ZNF469: variants seen among roughly 807,000 people sequenced by gnomAD.
ZNF469 encodes the protein zinc finger protein 469.
A neutral mutation model predicts 1.0 loss-of-function variants in ZNF469; 1 was observed. The observed-to-expected ratio is 1.00, with a 90% CI of 0.35 to 4.73. ZNF469 has a LOEUF of 4.73. Among genes scored for constraint, ZNF469 ranks in the 30% most tolerant of loss-of-function variants. The pLI is 0.16. For missense variants in ZNF469, 6,100 were observed against 5,356.3 expected (o/e 1.14, Z -4.33); for synonymous variants, 2,703 against 2,363.4 (o/e 1.14, Z -4.17).
chr16:88,129,689 C>G, the ZNF469 span, among the ~76,000 whole-genome samples: 1 of 152,108 alleles, frequency 6.6e-6, no homozygotes, highest in Non-Finnish European at 1.5e-5. Flanking sequence ...CCCATCCCTA[C>G]TAAGAATACA....
At chr16:88,340,197 C>T in the ZNF469 span, among the ~76,000 whole-genome samples, 43 of 152,292 alleles carry the variant, frequency 2.8e-4, no homozygotes, top group South Asian at 8.3e-4. Flanking sequence ...CAGGCCGGCA[C>T]GGCAGCTTAA....
the ZNF469 span, among the ~76,000 whole-genome samples, chr16:88,103,391 G>T: frequency 6.6e-6 from 1 of 152,230 alleles, no homozygotes; most frequent in African/African-American, 2.4e-5. Flanking sequence ...CACCTGCTGG[G>T]GCTGCCCAGT....
In ZNF469 at chr16:88,427,442, C is replaced by T. The variant is rs766689830; in HGVS notation, c.-29C>T. On this transcript the variant is annotated 5_prime_UTR_variant, in exon 3 of 3. Transcript: ENST00000565624. ...CCCCAGGGCCCCCCTCGGACAGCTG[C>T]GTCGTCCTAGCGCCAGGACGGAGGG... 6 of 1,461,124 alleles carry T rather than the reference C, an allele frequency of 4.1e-6. No homozygotes were observed. The highest frequency in any genetic ancestry group is 2.3e-4 in the Middle Eastern group (1 of 4,256). 90.5% of individuals were successfully genotyped at this position (1,461,124 alleles called of 1,614,324 possible).
the ZNF469 span, among the ~76,000 whole-genome samples, chr16:88,279,722 G>A: frequency 1.4e-4 from 17 of 122,012 alleles, no homozygotes; most frequent in African/African-American, 3.5e-4. Flanking sequence ...ATCAGTGCAC[G>A]GTTAGTGCTG....
chr16:88,133,107 G>GCACT, the ZNF469 span, among the ~76,000 whole-genome samples: 1 of 152,196 alleles, frequency 6.6e-6, no homozygotes, highest in Non-Finnish European at 1.5e-5. Flanking sequence ...TTGCGGGAGA[G>GCACT]CACTGCCTGC....
At chr16:88,260,220 C>G in the ZNF469 span, among the ~76,000 whole-genome samples, 1 of 152,032 alleles carries the variant, frequency 6.6e-6, no homozygotes, top group Non-Finnish European at 1.5e-5. The surrounding 1 kb of genome is among the most constrained non-coding windows in gnomAD (Gnocchi z 4.1). Flanking sequence ...CACTCCTGAC[C>G]TCAAATGATC....
chr16:88,415,944 G>T (rs1050933718), intron 1 of ZNF469, among the ~76,000 whole-genome samples: 2 of 152,224 alleles, frequency 1.3e-5, no homozygotes, highest in Admixed American at 1.3e-4. Flanking sequence ...GCTTCCCAGC[G>T]CTGCAGAGCC....
At chr16:88,396,929 C>CTCCT (rs747449600) in intron 1 of ZNF469, among the ~76,000 whole-genome samples, 1 of 133,590 alleles carries the variant, frequency 7.5e-6, no homozygotes, top group Admixed American at 7.1e-5. Flanking sequence ...GGAGGAGACC[C>CTCCT]GTCTGAAGGG....
At chr16:88,255,058 T>A in the ZNF469 span, among the ~76,000 whole-genome samples, 1 of 152,244 alleles carries the variant, frequency 6.6e-6, no homozygotes, top group African/African-American at 2.4e-5. Flanking sequence ...AACTATGTCA[T>A]ACATAGACAT....
intron 1 of ZNF469, among the ~76,000 whole-genome samples, chr16:88,391,317 C>T (rs1904485504): frequency 6.6e-6 from 1 of 152,282 alleles, no homozygotes; most frequent in South Asian, 2.1e-4. Context: ...GCTGCCACCT[C>T]TTGCTTGGCA....
chr16:88,325,762 G>A, the ZNF469 span, among the ~76,000 whole-genome samples: 2 of 152,200 alleles, frequency 1.3e-5, no homozygotes, highest in Admixed American at 6.5e-5. Flanking sequence ...CAAATGCTCC[G>A]TGTGACGGCT....
the ZNF469 span, among the ~76,000 whole-genome samples, chr16:88,247,900 T>C: frequency 6.6e-6 from 1 of 152,256 alleles, no homozygotes; most frequent in Non-Finnish European, 1.5e-5. Flanking sequence ...GATTTGAGTC[T>C]TCTCAGCTGA....
At chr16:88,209,007 G>A in the ZNF469 span, among the ~76,000 whole-genome samples, 1 of 152,198 alleles carries the variant, frequency 6.6e-6, no homozygotes, top group East Asian at 1.9e-4. Context: ...CCACCCCACT[G>A]TGGAAACCAC....
the ZNF469 span, among the ~76,000 whole-genome samples, chr16:88,311,874 T>C: frequency 5.3e-5 from 8 of 152,326 alleles, no homozygotes; most frequent in East Asian, 7.7e-4. Flanking sequence ...AAATGATTGA[T>C]TGTGGAACAC....
chr16:88,283,472 A>G, the ZNF469 span, among the ~76,000 whole-genome samples: 1 of 152,248 alleles, frequency 6.6e-6, no homozygotes, highest in Admixed American at 6.5e-5. Flanking sequence ...TAGCAGGAAG[A>G]GTAAAACGTC....
At chr16:88,102,230 T>TGCAAG in the ZNF469 span, among the ~76,000 whole-genome samples, 1 of 152,160 alleles carries the variant, frequency 6.6e-6, no homozygotes, top group African/African-American at 2.4e-5. Flanking sequence ...GGCAGGGCCA[T>TGCAAG]GCCAGGCCAG....
chr16:88,414,774 C>A (rs1366030166), intron 1 of ZNF469, among the ~76,000 whole-genome samples: 4 of 152,240 alleles, frequency 2.6e-5, no homozygotes, highest in Non-Finnish European at 5.9e-5. Flanking sequence ...ACAGGGCCAC[C>A]CCTCACCAGG....
rs769834740 is a variant in ZNF469 at position 88,438,732 on chromosome 16, C to A, written c.11262C>A (p.Ser3754Arg). The A allele has an allele frequency of 1.3e-6, 2 of 1,549,878 alleles. No individual in the cohort carries two copies. The highest frequency in any genetic ancestry group is 1.2e-5 in the South Asian group (1 of 84,026). ...GTGGCAGCCAGCCCCAGCCAGCCAG[C>A]GGGCAGCTCCAGAGCGAGACAGCCA... ...TGGGSQPQPASGQLQSETATT... is the reference protein window; with the variant it reads ...TGGGSQPQPARGQLQSETATT... The change falls in exon 3 of 3, where the codon AGC (serine) becomes AGA (arginine). Residue 3754 changes from serine (S) to arginine (R), a missense_variant. By Grantham distance (110) the Ser-to-Arg change is moderately radical. Coordinates refer to ENST00000565624, the MANE Select transcript of ZNF469 (RefSeq NM_001367624.2).
At chr16:88,145,675 G>A in the ZNF469 span, among the ~76,000 whole-genome samples, 1 of 152,266 alleles carries the variant, frequency 6.6e-6, no homozygotes, top group Non-Finnish European at 1.5e-5. Flanking sequence ...TTGTGTCCTG[G>A]CTGGGCTTTC....
Sources: allele counts gnomAD v4.1 joint callset (sites outside exome capture counted in the v4.1 genomes callset), GRCh38; gene constraint gnomAD v4.1.1; non-coding constraint Gnocchi (gnomAD v3.1); transcripts MANE v1.5; gene names NCBI Gene and HGNC (gene_info 2026-07-23, HGNC 2026-07-21).